The following CDH13 variants were observed in gnomAD, a reference collection of about 807,000 sequenced individuals.
CDH13 encodes the protein cadherin 13.
CDH13 carries 24 observed loss-of-function variants against 63.8 expected under a neutral mutation model. The ratio of observed to expected loss-of-function variants is 0.38; its 90% CI spans 0.27 to 0.53. The LOEUF (loss-of-function observed/expected upper bound fraction) is 0.53, where lower values mean the gene tolerates loss of function less well. Among genes scored for constraint, CDH13 ranks in the 20% least tolerant of loss-of-function variants. CDH13 has a pLI of 0.85. For missense variants in CDH13, 1,049 were observed against 903.1 expected (o/e 1.16, Z -2.07); for synonymous variants, 503 against 355.3 (o/e 1.42, Z -4.67).
At chr16:82,938,501 T>A (rs952541023) in intron 2 of CDH13, among the ~76,000 whole-genome samples, 2 of 152,172 alleles carry the variant, frequency 1.3e-5, no homozygotes, top group African/African-American at 4.8e-5. Context: ...GTCTGTGGTA[T>A]TAGAAACATG....
chr16:83,749,730 G>T (rs1212766667), intron 11 of CDH13, among the ~76,000 whole-genome samples: 1 of 152,130 alleles, frequency 6.6e-6, no homozygotes, highest in East Asian at 1.9e-4. Flanking sequence ...CTTGTGTTCA[G>T]AGGGCTCATG....
intron 7 of CDH13, among the ~76,000 whole-genome samples, chr16:83,517,421 G>A (rs367751309): frequency 1.3e-5 from 2 of 152,188 alleles, no homozygotes; most frequent in African/African-American, 4.8e-5. Context: ...TCTGTTCCAC[G>A]TAGTCATTAA....
At chr16:82,936,963 G>T (rs964649498) in intron 2 of CDH13, among the ~76,000 whole-genome samples, 1 of 152,130 alleles carries the variant, frequency 6.6e-6, no homozygotes, top group Non-Finnish European at 1.5e-5. Flanking sequence ...CTGGGGTCAT[G>T]GTCCTGGGCT....
intron 11 of CDH13, among the ~76,000 whole-genome samples, chr16:83,762,097 G>A (rs1914020689): frequency 6.6e-6 from 1 of 152,154 alleles, no homozygotes; most frequent in Admixed American, 6.5e-5. Context: ...TAATTTTAAT[G>A]AGCTGTAAAT....
In CDH13 at chr16:83,174,464, C is replaced by G. The variant is rs2038043938; in HGVS notation, c.484-42881C>G. ...GCAGCAAGACCGAAGCAAATGACCA[C>G]TCATAATTCAGAATATTTCTGAGCC... is the stretch of plus-strand genomic sequence containing the variant. On this transcript the variant is annotated intron_variant, in intron 4 of 13. Coordinates refer to ENST00000567109, the MANE Select transcript of CDH13 (RefSeq NM_001257.5). Among the ~76,000 whole-genome samples the G allele has an allele frequency of 2.0e-5, 3 of 151,954 alleles. No homozygotes were observed. In the South Asian group the frequency reaches 6.2e-4, roughly 32 times the overall value.
intron 2 of CDH13, among the ~76,000 whole-genome samples, chr16:82,984,011 G>A (rs1031234362): frequency 5.3e-5 from 8 of 152,202 alleles, no homozygotes; most frequent in African/African-American, 1.9e-4. Context: ...TGGGAAGCTG[G>A]ACTGGGAAGC....
intron 2 of CDH13, among the ~76,000 whole-genome samples, chr16:82,921,769 G>C (rs1296768107): frequency 6.6e-6 from 1 of 152,154 alleles, no homozygotes; most frequent in Non-Finnish European, 1.5e-5. Context: ...CATAGAATGA[G>C]TTGGGAAGTG....
intron 7 of CDH13, among the ~76,000 whole-genome samples, chr16:83,567,418 G>A (rs944104582): frequency 6.6e-6 from 1 of 152,220 alleles, no homozygotes; most frequent in Non-Finnish European, 1.5e-5. Context: ...CTGCATGTAC[G>A]AGTTGCAGGC....
chr16:83,567,050 T>C (rs1324485160), intron 7 of CDH13, among the ~76,000 whole-genome samples: 1 of 152,214 alleles, frequency 6.6e-6, no homozygotes, highest in East Asian at 1.9e-4. Context: ...GTCCTGCCTG[T>C]GCCTGAAATT....
chr16:83,387,088 C>T (rs528450839), intron 6 of CDH13, among the ~76,000 whole-genome samples: 20 of 152,188 alleles, frequency 1.3e-4, no homozygotes, highest in African/African-American at 4.8e-4. Context: ...ATTATAGAGG[C>T]AGGGGAGGAA....
chr16:82,638,703 C>T (rs114308331), intron 1 of CDH13, among the ~76,000 whole-genome samples: 298 of 152,134 alleles, frequency 2.0e-3, no homozygotes, highest in African/African-American at 6.8e-3. Flanking sequence ...ATTAGTAGGT[C>T]CCCCAAGATT....
chr16:82,663,220 G>C (rs764451866), intron 1 of CDH13, among the ~76,000 whole-genome samples: 3 of 152,144 alleles, frequency 2.0e-5, no homozygotes, highest in Non-Finnish European at 4.4e-5. Flanking sequence ...GAGTTTCGCT[G>C]TTGTTGCCCT....
At chr16:83,411,113 G>A (rs1051848628) in intron 6 of CDH13, among the ~76,000 whole-genome samples, 1 of 152,152 alleles carries the variant, frequency 6.6e-6, no homozygotes, top group African/African-American at 2.4e-5. Flanking sequence ...CAGACAGATA[G>A]GGTTCTTTCT....
At chr16:83,301,024 G>GGTT in intron 5 of CDH13, among the ~76,000 whole-genome samples, 1 of 53,946 alleles carries the variant, frequency 1.9e-5, no homozygotes, top group Non-Finnish European at 3.5e-5. Context: ...AACTTTCTGG[G>GGTT]GTTTTTTTTT....
chr16:82,689,131 C>G (rs763501225), intron 1 of CDH13: 10 of 151,442 alleles, frequency 6.6e-5, no homozygotes, highest in Admixed American at 4.6e-4. Context: ...CACACTTACT[C>G]AGGTTTATTC....
chr16:82,909,578 C>T (rs952410012), intron 2 of CDH13, among the ~76,000 whole-genome samples: 1 of 152,060 alleles, frequency 6.6e-6, no homozygotes, highest in Non-Finnish European at 1.5e-5. Context: ...ACAGTCATGG[C>T]GGAAGGCAAA....
At chr16:82,972,010 A>T (rs563688719) in intron 2 of CDH13, among the ~76,000 whole-genome samples, 1 of 152,276 alleles carries the variant, frequency 6.6e-6, no homozygotes, top group South Asian at 2.1e-4. Flanking sequence ...CCCTGCCATA[A>T]GCTTATTTGT....
At chr16:83,625,409 A>C (rs534319061) in intron 8 of CDH13, among the ~76,000 whole-genome samples, 1 of 152,200 alleles carries the variant, frequency 6.6e-6, no homozygotes, top group East Asian at 1.9e-4. Flanking sequence ...AGGGTCACCC[A>C]TTCATTTGAT....
chr16:83,504,515 T>G (rs149562995), intron 7 of CDH13, among the ~76,000 whole-genome samples: 1 of 152,320 alleles, frequency 6.6e-6, no homozygotes, highest in Non-Finnish European at 1.5e-5. Flanking sequence ...TGCTGACAAC[T>G]TCTTCTGCTG....
Sources: allele counts gnomAD v4.1 joint callset (sites outside exome capture counted in the v4.1 genomes callset), GRCh38; gene constraint gnomAD v4.1.1; transcripts MANE v1.5; gene names NCBI Gene and HGNC (gene_info 2026-07-23, HGNC 2026-07-21).